Variants in PIEZO2 observed in about 807,000 individuals in gnomAD.
PIEZO2 encodes the protein piezo type mechanosensitive ion channel component 2, also known as piezo-type mechanosensitive ion channel component 2.
Under a neutral mutation model 337.3 loss-of-function variants are expected in PIEZO2, and 172 were observed. That is an observed-to-expected ratio of 0.51 (90% CI 0.45 to 0.58). PIEZO2 has a LOEUF of 0.58. PIEZO2 is among the 20% of genes least tolerant of loss of function. The probability of loss-of-function intolerance (pLI) is 0.00; values close to 1 mark genes in which losing one functional copy is unlikely to be tolerated. For synonymous variants in PIEZO2, 1,251 were observed against 1,228.5 expected (o/e 1.02, Z -0.38); for missense variants, 3,028 against 3,391.3 (o/e 0.89, Z 2.66).
Position 10,797,472 on chromosome 18 carries a change from T to A in PIEZO2, c.1429A>T (p.Ser477Cys). 1 of 1,537,188 alleles carries A rather than the reference T, an allele frequency of 6.5e-7. No individual in the cohort carries two copies. Among genetic ancestry groups the A allele is most frequent in the Non-Finnish European group, 8.7e-7 (1 of 1,146,900 alleles). ...EEKEEFEEER[S>C]REEKRSIKVH... is the part of the protein sequence containing the mutation. ...TTGATACTTCTTTTTTCCTCACGGC[T>A]CCTTTCTTCTTCAAATTCTTCTTTC... The change falls in exon 12 of 56, where the codon AGC becomes TGC. Residue 477 changes from serine to cysteine, a missense_variant. Ser to Cys is a moderately radical substitution (Grantham distance 112, BLOSUM62 -1). Transcript: ENST00000674853.
At chr18:11,121,184 G>A (rs867296843) in intron 1 of PIEZO2, among the ~76,000 whole-genome samples, 1 of 152,148 alleles carries the variant, frequency 6.6e-6, no homozygotes, top group East Asian at 1.9e-4. Flanking sequence ...TCCAGGAGGT[G>A]GAGGTTGCAG....
intron 4 of PIEZO2, among the ~76,000 whole-genome samples, chr18:10,910,602 GAAAGAAAA>G (rs927402470): frequency 2.0e-5 from 3 of 151,422 alleles, no homozygotes; most frequent in Non-Finnish European, 4.4e-5. Flanking sequence ...TAAAAAAAAA[GAAAGAAAA>G]AAAGAAAAAG....
At chr18:10,873,118 T>C (rs2042178818) in intron 4 of PIEZO2, among the ~76,000 whole-genome samples, 1 of 152,224 alleles carries the variant, frequency 6.6e-6, no homozygotes, top group Non-Finnish European at 1.5e-5. Context: ...ATATATTATA[T>C]ATTTTGGTGA....
intron 37 of PIEZO2, among the ~76,000 whole-genome samples, chr18:10,717,377 G>A (rs767242883): frequency 2.6e-5 from 4 of 152,174 alleles, no homozygotes; most frequent in Non-Finnish European, 5.9e-5. Context: ...GTGGCCTTCC[G>A]TAAGTCTCCT....
intron 3 of PIEZO2, among the ~76,000 whole-genome samples, chr18:10,934,451 A>T (rs2032263573): frequency 6.6e-6 from 1 of 152,190 alleles, no homozygotes; most frequent in Admixed American, 6.5e-5. Flanking sequence ...GAAAAGTATG[A>T]AAGGGGCTTT....
chr18:10,674,202 T>C (rs191895783), intron 54 of PIEZO2, among the ~76,000 whole-genome samples: 4 of 152,024 alleles, frequency 2.6e-5, no homozygotes, highest in Admixed American at 2.6e-4. Flanking sequence ...GGTTCTGAAG[T>C]CAGGAGACAG....
In PIEZO2 at chr18:11,118,824, G is replaced by A. The variant is rs568856065; in HGVS notation, c.64+29701C>T. 7.2e-5 allele frequency among the ~76,000 whole-genome samples: 11 copies of A among 152,092 alleles called. No homozygotes were observed. The South Asian group carries it at 2.1e-3, about 29-fold the overall frequency. On this transcript the variant is annotated intron_variant, in intron 1 of 55. Transcript: ENST00000674853. ...TCTGCAGGAAAAATCTGTAGTACAA[G>A]TAAATATCTTAGATAACGGTTGCAG...
At position 10,856,856 on chromosome 18, in the gene PIEZO2, GT is replaced by G. The variant is rs1295748672; in HGVS notation, c.703+144del. On this transcript the variant is annotated intron_variant, in intron 6 of 55. Transcript: ENST00000674853. This position sits in a 1 kb window ranked among gnomAD's most constrained non-coding sequence, Gnocchi z 4.7. ...AAATTATTTTGTGTGGTTTGTACAT[GT>G]GGCCAGTTTTACAAGAGCTACAGTT... is the stretch of plus-strand genomic sequence containing the variant. 2.6e-6 allele frequency: 2 copies of G among 761,106 alleles called. No individual in the cohort carries two copies. The highest frequency in any genetic ancestry group is 4.2e-6 in the Non-Finnish European group (2 of 480,348). 47.1% of individuals were successfully genotyped at this position (761,106 alleles called of 1,614,324 possible). A position where few individuals can be genotyped will look rare whatever the true frequency, so the allele number is the denominator to read the frequency against.
At chr18:10,770,356 T>C (rs1220696386) in intron 20 of PIEZO2, 48 bp from the exon 21 acceptor site, 19 of 1,476,178 alleles carry the variant, frequency 1.3e-5, no homozygotes, top group Non-Finnish European at 1.6e-5. Flanking sequence ...TTAAAAATAT[T>C]ATCATTTAAA....
intron 27 of PIEZO2, among the ~76,000 whole-genome samples, chr18:10,756,906 A>G (rs1255672440): frequency 6.7e-6 from 1 of 148,304 alleles, no homozygotes; most frequent in Non-Finnish European, 1.5e-5. Flanking sequence ...AAAAGGAGGA[A>G]TGGGGATACG....
chr18:10,695,929 C>T (rs2035060668), intron 47 of PIEZO2, 145 bp downstream of exon 47: 1 of 763,590 alleles, frequency 1.3e-6, no homozygotes, highest in Non-Finnish European at 2.2e-6. Context: ...TTGACCCAAA[C>T]CTTTAGCTCT....
intron 2 of PIEZO2, among the ~76,000 whole-genome samples, chr18:10,991,997 T>C (rs562936983): frequency 6.6e-6 from 1 of 152,358 alleles, no homozygotes; most frequent in Non-Finnish European, 1.5e-5. Context: ...TGAGCTTTTT[T>C]TCATATGTTC....
rs1175078181 is a variant in PIEZO2 at position 10,724,003 on chromosome 18, C to T, written c.5030-5744G>A. Among the ~76,000 whole-genome samples the T allele has an allele frequency of 2.0e-5, 3 of 152,126 alleles. No individual in the cohort carries two copies. Among genetic ancestry groups the T allele is most frequent in the Admixed American group, 6.5e-5 (1 of 15,272 alleles). On this transcript the variant is annotated intron_variant, in intron 36 of 55. Coordinates refer to ENST00000674853, the MANE Select transcript of PIEZO2 (RefSeq NM_001378183.1). The surrounding 1 kb of genome is among the most constrained non-coding windows in gnomAD (Gnocchi z 5.8). ...GGGCAGGGGTGGCACTGAGAAGATG[C>T]CATAGGCAGAAGGCAGCCCCTGAGG...
In PIEZO2 at chr18:10,952,233, T is replaced by G. The variant is rs2033326169; in HGVS notation, c.286+27302A>C. Reference sequence around the variant, plus strand: ...GCTCTTTTTAAATCATTTTTTTTCTTATTAGATTATAAGTTACACAGAGTA... The same window carrying G: ...GCTCTTTTTAAATCATTTTTTTTCTGATTAGATTATAAGTTACACAGAGTA... On this transcript the variant is annotated intron_variant, in intron 3 of 55. Transcript: ENST00000674853. This position sits in a 1 kb window ranked among gnomAD's most constrained non-coding sequence, Gnocchi z 4.1. 6.6e-6 allele frequency among the ~76,000 whole-genome samples: 1 copy of G among 152,226 alleles called. No individual in the cohort carries two copies. The highest frequency in any genetic ancestry group is 1.5e-5 in the Non-Finnish European group (1 of 68,040).
At chr18:10,913,460 G>A (rs1267433462) in intron 3 of PIEZO2, among the ~76,000 whole-genome samples, 1 of 152,150 alleles carries the variant, frequency 6.6e-6, no homozygotes, top group East Asian at 1.9e-4. Flanking sequence ...CTTCGTGGAA[G>A]AAACAAAGCA....
Position 10,897,468 on chromosome 18 carries a change from C to T in PIEZO2, c.329+13718G>A, listed in dbSNP as rs543075849. On this transcript the variant is annotated intron_variant, in intron 4 of 55. Transcript: ENST00000674853. ...CCTCCCAAAATGCTGGGATTACAGGCGTGAGCCACCACACCCGGCCCAGAT... is the reference window on the plus strand; with the variant it reads ...CCTCCCAAAATGCTGGGATTACAGGTGTGAGCCACCACACCCGGCCCAGAT... Among the ~76,000 whole-genome samples, 51 of 152,282 alleles carry T rather than the reference C, an allele frequency of 3.3e-4. 2 individuals carry two copies. In the South Asian group the frequency reaches 0.01, roughly 31 times the overall value.
rs264161 is a variant in PIEZO2 at position 10,943,902 on chromosome 18, C to T, written c.287-32674G>A. ...GAATGGGTCTCACGAGATCTGATGGCTTTAAAAATGGGAGTTTCTCTGAAC... is the reference window on the plus strand; with the variant it reads ...GAATGGGTCTCACGAGATCTGATGGTTTTAAAAATGGGAGTTTCTCTGAAC... On this transcript the variant is annotated intron_variant, in intron 3 of 55. Coordinates refer to ENST00000674853, the MANE Select transcript of PIEZO2 (RefSeq NM_001378183.1). This position sits in a 1 kb window ranked among gnomAD's most constrained non-coding sequence, Gnocchi z 4.5. Among the ~76,000 whole-genome samples, 88,635 of 151,810 alleles carry T rather than the reference C, an allele frequency of 0.58. 26,221 individuals are homozygous for T. The highest frequency in any genetic ancestry group is 0.64 in the African/African-American group (26,476 of 41,376).
At chr18:10,835,818 C>T (rs997649677) in intron 7 of PIEZO2, among the ~76,000 whole-genome samples, 3 of 152,194 alleles carry the variant, frequency 2.0e-5, no homozygotes, top group Non-Finnish European at 4.4e-5. Flanking sequence ...TGAGCCAGCG[C>T]GTCCAGCCTG....
intron 18 of PIEZO2, among the ~76,000 whole-genome samples, chr18:10,776,487 T>A (rs967925138): frequency 7.9e-5 from 12 of 152,242 alleles, no homozygotes; most frequent in African/African-American, 2.9e-4. Flanking sequence ...CAATGATGGA[T>A]GATACGGAAG....
Sources: allele counts gnomAD v4.1 joint callset (sites outside exome capture counted in the v4.1 genomes callset), GRCh38; gene constraint gnomAD v4.1.1; non-coding constraint Gnocchi (gnomAD v3.1); transcripts MANE v1.5; gene names NCBI Gene and HGNC (gene_info 2026-07-23, HGNC 2026-07-21).